DHX33: variants seen among roughly 807,000 people sequenced by gnomAD.
DHX33 encodes the protein ATP-dependent RNA helicase DHX33.
Under a neutral mutation model 72.5 loss-of-function variants are expected in DHX33, and 42 were observed. The observed-to-expected ratio is 0.58, with a 90% CI of 0.45 to 0.75. DHX33 has a LOEUF of 0.75. Among genes scored for constraint, DHX33 ranks in the 30% least tolerant of loss-of-function variants. The pLI is 0.00. For missense variants in DHX33, 842 were observed against 917.5 expected (o/e 0.92, Z 1.06); for synonymous variants, 358 against 366.1 (o/e 0.98, Z 0.25).
In DHX33 at chr17:5,468,548, A is replaced by G. The variant is rs201359024; in HGVS notation, c.289+23T>C. On this transcript the variant is annotated intron_variant, in intron 1 of 11. Transcript: ENST00000225296. The stretch of plus-strand genomic sequence containing the variant: ...AAGCCACGGACGAAGTGCAAGGAAG[A>G]GCCCGCCGGCGCGGCCACTCACCGA... 1.6e-4 allele frequency: 261 copies of G among 1,599,670 alleles called. 1 individual carries two copies. In the African/African-American group the frequency reaches 3.1e-3, roughly 19 times the overall value.
In DHX33 at chr17:5,450,794, G is replaced by A; in HGVS notation, c.1524+13C>T. 1 of 1,614,118 alleles carries A rather than the reference G, an allele frequency of 6.2e-7. No homozygotes were observed. Among genetic ancestry groups the A allele is most frequent in the Non-Finnish European group, 8.5e-7 (1 of 1,180,006 alleles). On this transcript the variant is annotated intron_variant, in intron 9 of 11. Coordinates refer to ENST00000225296, the MANE Select transcript of DHX33 (RefSeq NM_020162.4). ...ATGTACAGAAAGAGGACTGAGGAGA[G>A]GGTATCATTTACTTTGGCAAATTTG...
rs558551712 is a variant in DHX33 at position 5,463,639 on chromosome 17, C to T, written c.340G>A (p.Gly114Arg). 1.3e-4 allele frequency: 211 copies of T among 1,613,890 alleles called. No homozygotes were observed. Among genetic ancestry groups the T allele is most frequent in the Admixed American group, 2.5e-4 (15 of 59,988 alleles). ...ATGATGCCCTGGCGGCTGATCCCTC[C>T]TTCATACAGGTACTGAGGGATCTGA... is the stretch of plus-strand genomic sequence containing the variant. ...TTQIPQYLYE[G>R]GISRQGIIAV... The change falls in exon 2 of 12, where the codon GGA (glycine) becomes AGA (arginine). Residue 114 changes from glycine (G) to arginine (R), a missense_variant. Physicochemically the swap from Gly to Arg is moderately radical, Grantham distance 125. Transcript: ENST00000225296.
chr17:5,468,505 A>G lies in DHX33; in HGVS notation c.289+66T>C, dbSNP rs967283177. The G allele has an allele frequency of 4.5e-6, 7 of 1,540,122 alleles. No individual in the cohort carries two copies. In the African/African-American group the frequency reaches 6.8e-5, roughly 15 times the overall value. On this transcript the variant is annotated intron_variant, in intron 1 of 11. Coordinates refer to ENST00000225296, the MANE Select transcript of DHX33 (RefSeq NM_020162.4). ...AACGAAAGGGATTGAGAGGCATGTA[A>G]GAAAAACTGCTCTAGCTAAGCCACG... is the stretch of plus-strand genomic sequence containing the variant.
chr17:5,460,370 A>G (rs1044687885), intron 4 of DHX33, among the ~76,000 whole-genome samples: 1 of 152,188 alleles, frequency 6.6e-6, no homozygotes, highest in Non-Finnish European at 1.5e-5. Context: ...TACTGCTTTA[A>G]CATGAAAATT....
At chr17:5,459,895 C>A (rs770444915) in intron 4 of DHX33, among the ~76,000 whole-genome samples, 1 of 148,612 alleles carries the variant, frequency 6.7e-6, no homozygotes, top group Non-Finnish European at 1.5e-5. Context: ...GATCCTCCTG[C>A]CTTAGCCTCC....
intron 11 of DHX33, among the ~76,000 whole-genome samples, chr17:5,448,395 G>C (rs1256407855): frequency 1.3e-5 from 2 of 151,998 alleles, no homozygotes; most frequent in Non-Finnish European, 2.9e-5. Flanking sequence ...TCTCTGGAGG[G>C]GCAGGATTAT....
intron 1 of DHX33, 72 bp from the exon 2 acceptor site, chr17:5,463,761 C>G: frequency 6.9e-7 from 1 of 1,445,738 alleles, no homozygotes; most frequent in Non-Finnish European, 9.2e-7. Context: ...GGGCTGGCAC[C>G]TATAATCTCA....
chr17:5,451,048 T>C, intron 8 of DHX33, 114 bp from the exon 9 acceptor site: 2 of 1,167,414 alleles, frequency 1.7e-6, no homozygotes, highest in Non-Finnish European at 1.2e-6. Context: ...GCAAAAATCA[T>C]AACCGCCACT....
In DHX33 at chr17:5,461,031, C is replaced by CAGTA; in HGVS notation, c.756_757insTACT (p.Gly253TyrfsTer18). ...AACACCTGGATCGGATGCTGCCGAC[C>CAGTA]CTCTAGGTAGAGGACGGGGGCGCCA... On this transcript the variant is annotated frameshift_variant, in exon 4 of 12. Transcript: ENST00000225296. LOFTEE classifies it high-confidence loss of function. The CAGTA allele has an allele frequency of 6.2e-7, 1 of 1,612,698 alleles. No individual in the cohort carries two copies. Among genetic ancestry groups the CAGTA allele is most frequent in the South Asian group, 1.1e-5 (1 of 90,822 alleles).
At chr17:5,445,747 G>T (rs1245994031) in intron 11 of DHX33, among the ~76,000 whole-genome samples, 1 of 152,176 alleles carries the variant, frequency 6.6e-6, no homozygotes, top group South Asian at 2.1e-4. Flanking sequence ...GGAGGTAAAG[G>T]TGAGAAAAGG....
chr17:5,455,870 G>T, intron 5 of DHX33, 127 bp downstream of exon 5: 1 of 1,002,212 alleles, frequency 1.0e-6, no homozygotes, highest in African/African-American at 1.6e-5. Context: ...TCCTCAGTGC[G>T]CTGATCTGGC....
chr17:5,455,331 A>C (rs1189814704), intron 5 of DHX33, 60 bp from the exon 6 acceptor site: 1 of 1,375,774 alleles, frequency 7.3e-7, no homozygotes, highest in Non-Finnish European at 1.0e-6. Context: ...AGAAGTCTTC[A>C]AACATATTCT....
At chr17:5,445,244 A>C (rs1405018862) in intron 11 of DHX33, among the ~76,000 whole-genome samples, 2 of 151,596 alleles carry the variant, frequency 1.3e-5, no homozygotes, top group African/African-American at 2.4e-5. Flanking sequence ...ACGCCTGGCT[A>C]ATTTTTGTAT....
intron 5 of DHX33, 29 bp from the exon 6 acceptor site, chr17:5,455,300 G>A (rs778015587): frequency 8.3e-6 from 13 of 1,566,750 alleles, no homozygotes; most frequent in East Asian, 2.2e-5. Context: ...CCAAAAAGCC[G>A]CATTGACACA....
chr17:5,468,715 G>A lies in DHX33; in HGVS notation c.145C>T (p.Arg49Trp). The A allele has an allele frequency of 6.2e-7, 1 of 1,611,162 alleles. No homozygotes were observed. Among genetic ancestry groups the A allele is most frequent in the Non-Finnish European group, 8.5e-7 (1 of 1,179,168 alleles). Reference protein sequence around the residue: ...GSGGRGGGGGRRQQPPLAQPS... With the variant: ...GSGGRGGGGGWRQQPPLAQPS... Reference sequence around the variant, plus strand: ...TGGGCCAGGGGCGGCTGCTGCCTCCGGCCTCCTCCTCCTCCTCTGCCGCCG... The same window carrying A: ...TGGGCCAGGGGCGGCTGCTGCCTCCAGCCTCCTCCTCCTCCTCTGCCGCCG... Residue 49 changes from arginine (R) to tryptophan (W), a missense_variant, in exon 1 of 12, where the codon CGG becomes TGG. Coordinates refer to ENST00000225296, the MANE Select transcript of DHX33 (RefSeq NM_020162.4).
At chr17:5,449,719 G>C (rs1916808680) in intron 10 of DHX33, among the ~76,000 whole-genome samples, 1 of 152,240 alleles carries the variant, frequency 6.6e-6, no homozygotes, top group African/African-American at 2.4e-5. Context: ...TTACAAGCTT[G>C]AGACACTGTG....
At chr17:5,448,705 A>G (rs1175554799) in intron 11 of DHX33, 104 bp downstream of exon 11, 5 of 764,144 alleles carry the variant, frequency 6.5e-6, no homozygotes, top group Non-Finnish European at 9.8e-6. Flanking sequence ...ATTTGCTACA[A>G]TGAGAAATCC....
At chr17:5,468,233 A>G (rs1904964124) in intron 1 of DHX33, among the ~76,000 whole-genome samples, 1 of 152,114 alleles carries the variant, frequency 6.6e-6, no homozygotes, top group African/African-American at 2.4e-5. Context: ...CCTGCCTAGA[A>G]TGCCCTCCCT....
Position 5,450,952 on chromosome 17 carries a change from T to C in DHX33, c.1397-18A>G. On this transcript the variant is annotated intron_variant, in intron 8 of 11. Transcript: ENST00000225296. Reference sequence around the variant, plus strand: ...AATGTGATCTAAAGAAACAGAGACATAAAAAGGAGCCAAAAGTCCAAAAAA... The same window carrying C: ...AATGTGATCTAAAGAAACAGAGACACAAAAAGGAGCCAAAAGTCCAAAAAA... The C allele has an allele frequency of 1.2e-6, 2 of 1,606,696 alleles. No individual in the cohort carries two copies. The highest frequency in any genetic ancestry group is 2.7e-5 in the African/African-American group (2 of 74,448).
Sources: allele counts gnomAD v4.1 joint callset (sites outside exome capture counted in the v4.1 genomes callset), GRCh38; gene constraint gnomAD v4.1.1; transcripts MANE v1.5; gene names NCBI Gene and HGNC (gene_info 2026-07-23, HGNC 2026-07-21).